Variants in SLC67A1 observed in about 807,000 individuals in gnomAD.
The protein encoded by SLC67A1 is solute carrier family 67 member 1, also known as solute carrier family 67 member A1.
chr11:2,909,781 C>G, the SLC67A1 span: 12 of 1,370,460 alleles, frequency 8.8e-6, no homozygotes, highest in Non-Finnish European at 1.1e-5. Context: ...CGCCCCGCCT[C>G]CTCTTGGCCT....
chr11:2,909,663 A>G, the SLC67A1 span: 1 of 1,539,964 alleles, frequency 6.5e-7, no homozygotes, highest in Non-Finnish European at 8.7e-7. Flanking sequence ...TCGGCGTCGG[A>G]GTCATCCTCG....
chr11:2,903,517 C>T, the SLC67A1 span: 2 of 1,611,496 alleles, frequency 1.2e-6, no homozygotes, highest in Non-Finnish European at 1.7e-6. Flanking sequence ...GCCCCTGCAG[C>T]CCCAGCCAGG....
chr11:2,914,929 G>A, the SLC67A1 span: 11,272 of 985,380 alleles, frequency 0.011, 76 homozygotes, highest in Non-Finnish European at 0.013. Flanking sequence ...AAGCTGTGGC[G>A]CCCGAGCCCA....
At chr11:2,911,058 C>T in the SLC67A1 span, among the ~76,000 whole-genome samples, 4 of 152,090 alleles carry the variant, frequency 2.6e-5, no homozygotes, top group African/African-American at 4.8e-5. Context: ...GTCAGGGACC[C>T]GTGCCTCTAC....
At chr11:2,921,567 A>G in the SLC67A1 span, 1 of 159,364 alleles carries the variant, frequency 6.3e-6, no homozygotes, top group Non-Finnish European at 1.3e-5. Flanking sequence ...TGTCCCACCG[A>G]GCCCATCCCC....
the SLC67A1 span, chr11:2,908,432 C>A: frequency 1.6e-5 from 13 of 792,166 alleles, no homozygotes; most frequent in East Asian, 1.7e-4. Context: ...CCACACCGGA[C>A]CCCCCTGGGA....
At chr11:2,906,797 T>C in the SLC67A1 span, among the ~76,000 whole-genome samples, 4 of 150,892 alleles carry the variant, frequency 2.7e-5, no homozygotes, top group Admixed American at 6.6e-5. Flanking sequence ...CAAACCAACA[T>C]GGCACATGTA....
the SLC67A1 span, chr11:2,915,294 T>TGCGC: frequency 3.2e-6 from 3 of 935,156 alleles, no homozygotes; most frequent in Non-Finnish European, 2.5e-6. Context: ...TGTGTGTGTG[T>TGCGC]GTGCGCATGT....
the SLC67A1 span, chr11:2,914,705 A>C: frequency 2.0e-6 from 2 of 985,308 alleles, no homozygotes; most frequent in Non-Finnish European, 2.4e-6. Flanking sequence ...CCAGCCTCCT[A>C]AAATAGCCAT....
the SLC67A1 span, among the ~76,000 whole-genome samples, chr11:2,900,214 A>T: frequency 2.0e-5 from 3 of 152,116 alleles, no homozygotes; most frequent in African/African-American, 7.2e-5. Flanking sequence ...GGATCTGGGG[A>T]CACGCACTCC....
chr11:2,922,084 C>T, the SLC67A1 span: 1 of 1,598,732 alleles, frequency 6.3e-7, no homozygotes, highest in Non-Finnish European at 8.6e-7. Flanking sequence ...CACTTCTACC[C>T]TCTCTGTCTG....
chr11:2,923,123 C>T, the SLC67A1 span, among the ~76,000 whole-genome samples: 7 of 152,290 alleles, frequency 4.6e-5, no homozygotes, highest in African/African-American at 7.2e-5. The surrounding 1 kb of genome is among the most constrained non-coding windows in gnomAD (Gnocchi z 6.5). Flanking sequence ...GTCCTGGGCC[C>T]GATGTTATCC....
chr11:2,909,943 G>A, the SLC67A1 span: 2 of 472,144 alleles, frequency 4.2e-6, no homozygotes, highest in South Asian at 6.5e-5. Flanking sequence ...GGCGCGACTG[G>A]ACTGCCAAGC....
At chr11:2,907,029 G>A in the SLC67A1 span, among the ~76,000 whole-genome samples, 1 of 152,052 alleles carries the variant, frequency 6.6e-6, no homozygotes, top group African/African-American at 2.4e-5. The surrounding 1 kb of genome is among the most constrained non-coding windows in gnomAD (Gnocchi z 6.7). Context: ...GCAGACAGAG[G>A]GCTTTCCCAT....
chr11:2,917,913 C>T, the SLC67A1 span: 12 of 1,198,382 alleles, frequency 1.0e-5, no homozygotes, highest in Admixed American at 2.3e-5. Context: ...CTCCGAATGG[C>T]GAGGCCTGCA....
At chr11:2,903,225 C>G in the SLC67A1 span, 1 of 1,513,752 alleles carries the variant, frequency 6.6e-7, no homozygotes, top group Admixed American at 2.0e-5. Flanking sequence ...CAAGGCCAGG[C>G]GGGTGCTGCC....
chr11:2,905,240 T>C, the SLC67A1 span, among the ~76,000 whole-genome samples: 1 of 151,872 alleles, frequency 6.6e-6, no homozygotes, highest in Non-Finnish European at 1.5e-5. Context: ...GGAGGTCGGA[T>C]GAGCTGGGGG....
chr11:2,919,087 GA>G, the SLC67A1 span: 1 of 582,334 alleles, frequency 1.7e-6, no homozygotes, highest in Non-Finnish European at 3.1e-6. Flanking sequence ...TCACAGTCCA[GA>G]GCTTAGCAAC....
the SLC67A1 span, among the ~76,000 whole-genome samples, chr11:2,907,242 T>G: frequency 6.6e-6 from 1 of 152,080 alleles, no homozygotes; most frequent in African/African-American, 2.4e-5. This position sits in a 1 kb window ranked among gnomAD's most constrained non-coding sequence, Gnocchi z 6.7. Flanking sequence ...TATTAGCATC[T>G]GGGGCTGCCA....
Sources: allele counts gnomAD v4.1 joint callset (sites outside exome capture counted in the v4.1 genomes callset), GRCh38; gene constraint gnomAD v4.1.1; non-coding constraint Gnocchi (gnomAD v3.1); transcripts MANE v1.5; gene names NCBI Gene and HGNC (gene_info 2026-07-23, HGNC 2026-07-21).